ITGA1: variants seen among roughly 807,000 people sequenced by gnomAD.
ITGA1 encodes the protein integrin alpha-1.
A neutral mutation model predicts 145.9 loss-of-function variants in ITGA1; 85 were observed. That is an observed-to-expected ratio of 0.58 (90% CI 0.49 to 0.70). The LOEUF is 0.70. Ranked by LOEUF, ITGA1 falls within the 30% of genes least tolerant of loss-of-function variation. The pLI, the probability that ITGA1 is intolerant of heterozygous loss-of-function variation, is 0.00. For missense variants in ITGA1, 1,351 were observed against 1,418.7 expected (o/e 0.95, Z 0.77); for synonymous variants, 520 against 495.3 (o/e 1.05, Z -0.66).
At chr5:52,855,066 G>C (rs936851044) in intron 2 of ITGA1, among the ~76,000 whole-genome samples, 1 of 152,154 alleles carries the variant, frequency 6.6e-6, no homozygotes, top group Non-Finnish European at 1.5e-5. Context: ...CAATGTGCCT[G>C]GGCCTTCACC....
intron 2 of ITGA1, among the ~76,000 whole-genome samples, chr5:52,854,316 C>T (rs1431383817): frequency 1.3e-5 from 2 of 152,108 alleles, no homozygotes; most frequent in Admixed American, 1.3e-4. Context: ...GGAGGAGAGA[C>T]ATTTTAAGGG....
At chr5:52,933,457 T>C (rs888602491) in intron 22 of ITGA1, 2 of 152,046 alleles carry the variant, frequency 1.3e-5, no homozygotes, top group African/African-American at 2.4e-5. Flanking sequence ...CCAAAGAACA[T>C]GATGAAGCTG....
chr5:52,817,359 A>C (rs768151360), intron 1 of ITGA1, among the ~76,000 whole-genome samples: 2 of 152,312 alleles, frequency 1.3e-5, no homozygotes, highest in Middle Eastern at 3.4e-3. Context: ...TAAAGGAGGG[A>C]TAAAGATTAA....
At chr5:52,800,128 G>C (rs1275357273) in intron 1 of ITGA1, 1 of 431,988 alleles carries the variant, frequency 2.3e-6, no homozygotes, top group Non-Finnish European at 4.2e-6. Context: ...TGCTGCCAGC[G>C]GGAACTGTGT....
chr5:52,940,464 A>G (rs1177092927), intron 26 of ITGA1, among the ~76,000 whole-genome samples: 10 of 148,578 alleles, frequency 6.7e-5, no homozygotes, highest in African/African-American at 2.5e-4. Context: ...GCTGGAGTGC[A>G]GTGGCACGAT....
At position 52,892,321 on chromosome 5, in the gene ITGA1, C is replaced by T. The variant is rs528255925; in HGVS notation, c.925-1354C>T. Among the ~76,000 whole-genome samples, 13 of 151,650 alleles carry T rather than the reference C, an allele frequency of 8.6e-5. No homozygotes were observed. In the South Asian group the frequency reaches 2.3e-3, roughly 27 times the overall value. On this transcript the variant is annotated intron_variant, in intron 8 of 28. Coordinates refer to ENST00000282588, the MANE Select transcript of ITGA1 (RefSeq NM_181501.2). ...ACAATTGCTAAAACTAACAAGTGAA[C>T]AAAAAAAACTGACAATAACAAGTAT... is the stretch of plus-strand genomic sequence containing the variant.
chr5:52,952,415 C>A lies in ITGA1; in HGVS notation c.3504C>A (p.Phe1168Leu), dbSNP rs892380670. The A allele has an allele frequency of 7.0e-7, 1 of 1,420,900 alleles. No individual in the cohort carries two copies. Among genetic ancestry groups the A allele is most frequent in the Admixed American group, 2.2e-5 (1 of 44,614 alleles). The allele number at this position is 1,420,900 out of a possible 1,614,324, so 88.0% of individuals were successfully genotyped here. A position where few individuals can be genotyped will look rare whatever the true frequency, so the allele number is the denominator to read the frequency against. ...LLILALWKIG[F>L]FKRPLKKKME... The stretch of plus-strand genomic sequence containing the variant: ...TTGTGTTTTCTCAACAGATTGGATT[C>A]TTCAAAAGACCACTGAAAAAGAAAA... The change falls in exon 29 of 29, where the codon TTC becomes TTA. Residue 1168 changes from phenylalanine to leucine, a missense_variant. Phe to Leu is a conservative substitution (Grantham distance 22). Transcript: ENST00000282588.
In ITGA1 at chr5:52,907,941, A is replaced by G. The variant is rs141422707; in HGVS notation, c.1456-957A>G. 1.6e-3 allele frequency among the ~76,000 whole-genome samples: 237 copies of G among 152,378 alleles called. 2 individuals are homozygous for G. The South Asian group carries it at 0.034, about 22-fold the overall frequency. On this transcript the variant is annotated intron_variant, in intron 12 of 28. Coordinates refer to ENST00000282588, the MANE Select transcript of ITGA1 (RefSeq NM_181501.2). ...TCAAAAGTCAGTGTCTTTTGCCCACATGCCTAGAAGCAATGTCTAGGACTG... is the reference window on the plus strand; with the variant it reads ...TCAAAAGTCAGTGTCTTTTGCCCACGTGCCTAGAAGCAATGTCTAGGACTG...
chr5:52,832,186 TC>T (rs1236409297), intron 1 of ITGA1, among the ~76,000 whole-genome samples: 2 of 152,104 alleles, frequency 1.3e-5, no homozygotes, highest in African/African-American at 4.8e-5. Flanking sequence ...AGCCTCCTGT[TC>T]CATGGATCTC....
chr5:52,825,282 T>G (rs1364266129), intron 1 of ITGA1: 1 of 152,228 alleles, frequency 6.6e-6, no homozygotes, highest in Non-Finnish European at 1.5e-5. Flanking sequence ...TGTATCAGTA[T>G]AGGCCCATCT....
At chr5:52,845,555 A>G (rs1250866874) in intron 1 of ITGA1, among the ~76,000 whole-genome samples, 2 of 152,170 alleles carry the variant, frequency 1.3e-5, no homozygotes, top group East Asian at 3.9e-4. Context: ...CTTCAACAAA[A>G]TAATTGGTGG....
Position 52,817,394 on chromosome 5 carries a change from AT to A in ITGA1, c.61+28982del, listed in dbSNP as rs142754020. Among the ~76,000 whole-genome samples the A allele has an allele frequency of 6.7e-3, 1,017 of 152,322 alleles. 12 individuals carry two copies. Among genetic ancestry groups the A allele is most frequent in the African/African-American group, 0.023 (967 of 41,570 alleles). The stretch of plus-strand genomic sequence containing the variant: ...AAATTATGAAATCTTTCTGTAAGTA[AT>A]TGGCACACAGAATAGACGTTCAATA... On this transcript the variant is annotated intron_variant, in intron 1 of 28. Transcript: ENST00000282588.
In ITGA1 at chr5:52,787,948, C is replaced by A. The variant is rs929549800; in HGVS notation, c.-406C>A. ...TTCCTACCACCTTAGGGGATTTGGC[C>A]CGGAGAACGAGATCACCCTCTCAAT... On this transcript the variant is annotated 5_prime_UTR_variant, in exon 1 of 29. Transcript: ENST00000282588. 8.9e-5 allele frequency: 15 copies of A among 168,810 alleles called. No individual in the cohort carries two copies. The highest frequency in any genetic ancestry group is 1.8e-4 in the Non-Finnish European group (14 of 79,374). 10.5% of individuals were successfully genotyped at this position (168,810 alleles called of 1,614,324 possible). A position where few individuals can be genotyped will look rare whatever the true frequency, so the allele number is the denominator to read the frequency against.
chr5:52,799,015 GC>G (rs1183981217), intron 1 of ITGA1, among the ~76,000 whole-genome samples: 1 of 152,032 alleles, frequency 6.6e-6, no homozygotes, highest in Non-Finnish European at 1.5e-5. Flanking sequence ...ACACGCCTAT[GC>G]CAAACTCAGA....
chr5:52,821,982 A>G (rs1222956473), intron 1 of ITGA1, among the ~76,000 whole-genome samples: 1 of 152,208 alleles, frequency 6.6e-6, no homozygotes, highest in African/African-American at 2.4e-5. Context: ...AGGAATGAAT[A>G]TATCACATTA....
chr5:52,860,319 G>A (rs1749578173), intron 2 of ITGA1, among the ~76,000 whole-genome samples: 1 of 152,064 alleles, frequency 6.6e-6, no homozygotes, highest in African/African-American at 2.4e-5. Flanking sequence ...AGGCCAAGGT[G>A]GGCGGATCAC....
At chr5:52,864,407 T>A (rs1050747376) in intron 3 of ITGA1, among the ~76,000 whole-genome samples, 1 of 152,214 alleles carries the variant, frequency 6.6e-6, no homozygotes, top group African/African-American at 2.4e-5. Context: ...TCATCACTGG[T>A]CATTTATAAC....
In ITGA1 at chr5:52,865,813, C is replaced by T; in HGVS notation, c.620C>T (p.Thr207Ile). The T allele has an allele frequency of 6.3e-7, 1 of 1,580,420 alleles. No individual in the cohort carries two copies. The highest frequency in any genetic ancestry group is 8.6e-7 in the Non-Finnish European group (1 of 1,168,390). ...LERMDIGPKQTQVGIVQYGEN... is the reference protein window; with the variant it reads ...LERMDIGPKQIQVGIVQYGEN... ...AGAATGGATATTGGTCCTAAACAGACACAGGTATGTGACTTTGTGTTTTGA... is the reference window on the plus strand; with the variant it reads ...AGAATGGATATTGGTCCTAAACAGATACAGGTATGTGACTTTGTGTTTTGA... The change falls in exon 6 of 29, where the codon ACA (threonine) becomes ATA (isoleucine). Residue 207 changes from threonine (T) to isoleucine (I), a missense_variant. Coordinates refer to ENST00000282588, the MANE Select transcript of ITGA1 (RefSeq NM_181501.2).
chr5:52,830,066 T>A (rs1749034625), intron 1 of ITGA1, among the ~76,000 whole-genome samples: 1 of 152,180 alleles, frequency 6.6e-6, no homozygotes. Flanking sequence ...GAGTGATATT[T>A]GATTCAATAG....
Sources: gnomAD v4.1 joint callset for allele counts (sites outside exome capture counted in the v4.1 genomes callset) on GRCh38, gnomAD v4.1.1 for gene constraint, MANE v1.5 for transcripts, NCBI Gene and HGNC (gene_info 2026-07-23, HGNC 2026-07-21) for gene names.